Variants in NBEA observed in about 807,000 individuals in gnomAD.
The protein encoded by NBEA is lysosomal-trafficking regulator 2.
Under a neutral mutation model 343.4 loss-of-function variants are expected in NBEA, and 44 were observed. The observed-to-expected ratio is 0.13, with a 90% CI of 0.10 to 0.16. The LOEUF (loss-of-function observed/expected upper bound fraction) is 0.16. Among genes scored for constraint, NBEA ranks in the 10% least tolerant of loss-of-function variants. The pLI is 1.00. For missense variants in NBEA, 2,555 were observed against 3,631.3 expected, an observed-to-expected ratio of 0.70 and a Z score of 7.62; for synonymous variants, 1,175 against 1,238.7, an observed-to-expected ratio of 0.95 and a Z score of 1.08.
At chr13:35,325,048 A>AT (rs2038446891) in intron 36 of NBEA, among the ~76,000 whole-genome samples, 1 of 152,086 alleles carries the variant, frequency 6.6e-6, no homozygotes, top group Non-Finnish European at 1.5e-5. Context: ...AGTTTTCCTG[A>AT]TTTTTTAGTG....
chr13:35,100,274 A>T (rs968072781), intron 11 of NBEA, among the ~76,000 whole-genome samples: 1 of 152,048 alleles, frequency 6.6e-6, no homozygotes, highest in East Asian at 1.9e-4. Context: ...CTTTGAAACA[A>T]GTGTTGACCT....
intron 1 of NBEA, among the ~76,000 whole-genome samples, chr13:34,995,195 G>A (rs542298819): frequency 2.2e-4 from 34 of 152,332 alleles, no homozygotes; most frequent in Admixed American, 1.3e-3. Context: ...GCTCATGCCT[G>A]TAATCCCAGC....
At chr13:35,415,230 T>G (rs1030835240) in intron 38 of NBEA, among the ~76,000 whole-genome samples, 3 of 152,188 alleles carry the variant, frequency 2.0e-5, no homozygotes, top group Non-Finnish European at 2.9e-5. Flanking sequence ...AGAAGCTCTT[T>G]AGTTTAATTA....
At chr13:35,661,966 A>T (rs548282149) in intron 55 of NBEA, among the ~76,000 whole-genome samples, 2 of 152,180 alleles carry the variant, frequency 1.3e-5, no homozygotes, top group African/African-American at 4.8e-5. Context: ...TCTAAATCAG[A>T]AAGACCACAG....
chr13:35,196,092 C>A lies in NBEA; in HGVS notation c.5156C>A (p.Thr1719Asn). The A allele has an allele frequency of 6.2e-7, 1 of 1,613,634 alleles. No homozygotes were observed. The highest frequency in any genetic ancestry group is 8.5e-7 in the Non-Finnish European group (1 of 1,179,726). Residue 1719 changes from threonine to asparagine, a missense_variant, in exon 31 of 59, where the codon ACT becomes AAT. By Grantham distance (65) the Thr-to-Asn change is moderately conservative. Coordinates refer to ENST00000379939, the MANE Select transcript of NBEA (RefSeq NM_001385012.1). Reference protein sequence around the residue: ...SEVKKSQESLTENPSETLKPA... With the variant: ...SEVKKSQESLNENPSETLKPA... Reference sequence around the variant, plus strand: ...GTGAAGAAATCACAAGAGAGCTTAACTGAAAATCCTAGTGAAACGTTGAAG... The same window carrying A: ...GTGAAGAAATCACAAGAGAGCTTAAATGAAAATCCTAGTGAAACGTTGAAG...
intron 47 of NBEA, among the ~76,000 whole-genome samples, chr13:35,604,344 G>A (rs1267097083): frequency 6.0e-5 from 9 of 151,050 alleles, no homozygotes; most frequent in South Asian, 2.1e-4. Context: ...TTCCTTTTTC[G>A]TTGTGGCCTT....
Position 35,044,427 on chromosome 13 carries a change from T to C in NBEA, c.527-520T>C, listed in dbSNP as rs138929349. Among the ~76,000 whole-genome samples, 4 of 152,300 alleles carry C rather than the reference T, an allele frequency of 2.6e-5. No homozygotes were observed. The East Asian group carries it at 5.8e-4, about 22-fold the overall frequency. On this transcript the variant is annotated intron_variant, in intron 2 of 58. Transcript: ENST00000379939. ...ATAATGTTTCACTTGGAGTAAGTGG[T>C]AAAAATTGCTAATGGGCCAAGGAAT...
intron 18 of NBEA, among the ~76,000 whole-genome samples, chr13:35,148,377 T>G (rs1471057930): frequency 6.6e-6 from 1 of 152,166 alleles, no homozygotes; most frequent in Non-Finnish European, 1.5e-5. Flanking sequence ...TAATGGAGAT[T>G]ATATGATCCA....
At chr13:35,580,789 A>C (rs1214770762) in intron 45 of NBEA, among the ~76,000 whole-genome samples, 1 of 152,246 alleles carries the variant, frequency 6.6e-6, no homozygotes, top group Non-Finnish European at 1.5e-5. Context: ...CATTTTAAGA[A>C]GTTACTAATG....
chr13:35,044,829 TAG>T (rs372735958), intron 2 of NBEA, 116 bp from the exon 3 acceptor site: 28,699 of 360,880 alleles, frequency 0.08, 668 homozygotes, highest in South Asian at 0.13. Flanking sequence ...TATATATATA[TAG>T]AGAGAGAGAG....
intron 1 of NBEA, among the ~76,000 whole-genome samples, chr13:34,956,632 C>T (rs561299420): frequency 1.3e-5 from 2 of 152,212 alleles, no homozygotes; most frequent in South Asian, 2.1e-4. Context: ...TGTCCATCAC[C>T]TCAACTATTT....
chr13:35,062,384 G>A (rs903248310), intron 8 of NBEA, among the ~76,000 whole-genome samples: 16 of 151,588 alleles, frequency 1.1e-4, no homozygotes, highest in Admixed American at 1.1e-3. Context: ...AATTTTGAAA[G>A]GTCTAATAGG....
chr13:35,015,414 A>G (rs946914343), intron 1 of NBEA, among the ~76,000 whole-genome samples: 1 of 152,068 alleles, frequency 6.6e-6, no homozygotes, highest in African/African-American at 2.4e-5. Flanking sequence ...GAGGAGGCAA[A>G]AAAGAGGGAT....
intron 1 of NBEA, among the ~76,000 whole-genome samples, chr13:35,016,293 A>AATG (rs10654271): frequency 0.93 from 140,764 of 151,972 alleles, 65,689 homozygotes; most frequent in Non-Finnish European, 0.99. Flanking sequence ...TACATGTTAA[A>AATG]ATGAGGATAA....
chr13:35,228,795 A>AG (rs2074810810), intron 33 of NBEA, among the ~76,000 whole-genome samples: 1 of 152,130 alleles, frequency 6.6e-6, no homozygotes, highest in East Asian at 1.9e-4. Flanking sequence ...GTGTGACTTA[A>AG]GGGGAAAAAA....
At position 35,156,229 on chromosome 13, in the gene NBEA, C is replaced by G. The variant is rs372181665; in HGVS notation, c.2651+23C>G. 1.5e-5 allele frequency: 23 copies of G among 1,529,976 alleles called. No individual in the cohort carries two copies. In the South Asian group the frequency reaches 2.0e-4, roughly 13 times the overall value. The allele number at this position is 1,529,976 out of a possible 1,614,324, so 94.8% of individuals were successfully genotyped here. ...AAGGTAAGCAGTTTGGATACTGTAA[C>G]AACACTTTATTCCATAATTAATATT... On this transcript the variant is annotated intron_variant, in intron 20 of 58. Transcript: ENST00000379939.
At chr13:35,206,552 A>T (rs2073408820) in intron 31 of NBEA, among the ~76,000 whole-genome samples, 1 of 152,146 alleles carries the variant, frequency 6.6e-6, no homozygotes, top group African/African-American at 2.4e-5. Flanking sequence ...TTTGATAACA[A>T]ACTCCAAATA....
intron 17 of NBEA, among the ~76,000 whole-genome samples, chr13:35,136,552 T>A (rs1229875121): frequency 6.6e-6 from 1 of 152,186 alleles, no homozygotes; most frequent in Non-Finnish European, 1.5e-5. Context: ...ATATATAGTA[T>A]TTAAATAAAA....
intron 28 of NBEA, chr13:35,179,840 G>C (rs1436457097): frequency 3.2e-6 from 3 of 951,032 alleles, no homozygotes; most frequent in East Asian, 2.3e-4. Flanking sequence ...ATTTTCCTTT[G>C]TAATAACTGC....
Sources: allele counts gnomAD v4.1 joint callset (sites outside exome capture counted in the v4.1 genomes callset), GRCh38; gene constraint gnomAD v4.1.1; transcripts MANE v1.5; gene names NCBI Gene and HGNC (gene_info 2026-07-23, HGNC 2026-07-21).